The following FBXO34 variants were observed in gnomAD, a reference collection of about 807,000 sequenced individuals.
The protein encoded by FBXO34 is F-box only protein 34.
A neutral mutation model predicts 24.5 loss-of-function variants in FBXO34; 12 were observed. The observed-to-expected ratio is 0.49, with a 90% CI of 0.31 to 0.79. The LOEUF is 0.79. FBXO34 is among the 30% of genes least tolerant of loss of function. The probability of loss-of-function intolerance (pLI) is 0.04; values close to 1 mark genes in which losing one functional copy is unlikely to be tolerated. For missense variants in FBXO34, 823 were observed against 857.7 expected (o/e 0.96, Z 0.51); for synonymous variants, 320 against 311.9 (o/e 1.03, Z -0.27).
the FBXO34 span, among the ~76,000 whole-genome samples, chr14:55,437,991 G>A: frequency 1.3e-5 from 2 of 152,206 alleles, no homozygotes; most frequent in African/African-American, 4.8e-5. Flanking sequence ...AGAGAATGAT[G>A]TGTGCACCTG....
downstream of FBXO34, chr14:55,366,917 G>A (rs545451854): frequency 6.5e-6 from 1 of 152,782 alleles, no homozygotes; most frequent in Non-Finnish European, 1.5e-5. Flanking sequence ...AGTATTTACA[G>A]GGTGGATCCA....
the FBXO34 span, among the ~76,000 whole-genome samples, chr14:55,376,094 G>A: frequency 2.6e-5 from 4 of 152,196 alleles, no homozygotes; most frequent in Admixed American, 6.5e-5. Flanking sequence ...CTGCATGAGT[G>A]TCTACTACTG....
chr14:55,284,947 T>C (rs1413001826), intron 1 of FBXO34, among the ~76,000 whole-genome samples: 1 of 150,086 alleles, frequency 6.7e-6, no homozygotes, highest in Non-Finnish European at 1.5e-5. Context: ...GTTGTCTTGT[T>C]TTGTTTTGTG....
intron 1 of FBXO34, among the ~76,000 whole-genome samples, chr14:55,305,785 T>C (rs896091638): frequency 2.6e-5 from 4 of 152,252 alleles, no homozygotes; most frequent in East Asian, 1.9e-4. Context: ...GCAGGATTTT[T>C]CCCGATCTGA....
chr14:55,330,356 G>A (rs1883492019), intron 1 of FBXO34, among the ~76,000 whole-genome samples: 1 of 152,018 alleles, frequency 6.6e-6, no homozygotes, highest in East Asian at 1.9e-4. Context: ...GTTTCTCTCT[G>A]TTACCCTGAT....
intron 1 of FBXO34, among the ~76,000 whole-genome samples, chr14:55,311,232 C>T (rs1882728255): frequency 6.6e-6 from 1 of 152,134 alleles, no homozygotes; most frequent in Non-Finnish European, 1.5e-5. Context: ...CTAGCAAACA[C>T]AAAACCATCA....
chr14:55,410,775 A>G, the FBXO34 span, among the ~76,000 whole-genome samples: 1 of 152,244 alleles, frequency 6.6e-6, no homozygotes, highest in Non-Finnish European at 1.5e-5. Flanking sequence ...GAATGAATTA[A>G]TACCTGAATT....
rs1197999118 is a variant in FBXO34, at chr14:55,351,935, T to A, written c.1545T>A (p.Ala515=). The stretch of plus-strand genomic sequence containing the variant: ...AGGCCAGCCAGCTTGAAGATGCTGC[T>A]GGGGGTGACAGTGCATCTGAGGAAA... ...SSEASQLEDA[A]GGDSASEEKS... is the part of the protein sequence containing the mutation. Residue 515 remains alanine (A), a synonymous_variant, in exon 2 of 2, where the codon GCT becomes GCA. Coordinates refer to ENST00000313833, the MANE Select transcript of FBXO34 (RefSeq NM_017943.4). 6.2e-7 allele frequency: 1 copy of A among 1,614,168 alleles called. No individual in the cohort carries two copies. The highest frequency in any genetic ancestry group is 1.7e-5 in the Admixed American group (1 of 60,022).
intron 1 of FBXO34, among the ~76,000 whole-genome samples, chr14:55,316,595 G>T (rs147344465): frequency 3.4e-4 from 51 of 150,230 alleles, no homozygotes; most frequent in Admixed American, 7.3e-4. Context: ...TAGCACAGTG[G>T]CACATGTCTA....
At chr14:55,368,612 G>C (rs1884738626), downstream of FBXO34, 2 of 152,324 alleles carry the variant, frequency 1.3e-5, no homozygotes, top group South Asian at 4.1e-4. Flanking sequence ...GCAAAGCTGT[G>C]TCCTCAGAGC....
chr14:55,385,544 C>T, the FBXO34 span, among the ~76,000 whole-genome samples: 12 of 152,290 alleles, frequency 7.9e-5, no homozygotes, highest in East Asian at 2.1e-3. Context: ...TCGCCTGCCT[C>T]GGCCTCCCAA....
downstream of FBXO34, among the ~76,000 whole-genome samples, chr14:55,371,730 A>G (rs187033366): frequency 8.6e-4 from 131 of 152,030 alleles, no homozygotes; most frequent in Non-Finnish European, 1.8e-3. Context: ...TGTGAACCCC[A>G]GAGGCGGAGC....
chr14:55,318,225 C>T (rs900638811), intron 1 of FBXO34: 3 of 151,056 alleles, frequency 2.0e-5, no homozygotes, highest in African/African-American at 7.3e-5. Context: ...GTTTAGTCTA[C>T]CATCCTTAAC....
At chr14:55,388,595 C>A in the FBXO34 span, among the ~76,000 whole-genome samples, 1 of 152,214 alleles carries the variant, frequency 6.6e-6, no homozygotes, top group East Asian at 1.9e-4. Flanking sequence ...TAATGTATAT[C>A]ATGAAACCTT....
chr14:55,440,135 G>C, the FBXO34 span, among the ~76,000 whole-genome samples: 1 of 151,272 alleles, frequency 6.6e-6, no homozygotes, highest in East Asian at 1.9e-4. Flanking sequence ...TCAAAAACCA[G>C]AACAACCTGG....
the FBXO34 span, among the ~76,000 whole-genome samples, chr14:55,441,759 G>T: frequency 6.6e-6 from 1 of 151,822 alleles, no homozygotes; most frequent in Admixed American, 6.6e-5. Flanking sequence ...AAACATAATT[G>T]ATACCTTTTT....
chr14:55,278,796 C>T (rs1057120317), intron 1 of FBXO34, among the ~76,000 whole-genome samples: 1 of 152,164 alleles, frequency 6.6e-6, no homozygotes, highest in Non-Finnish European at 1.5e-5. Flanking sequence ...AAGTGATCTT[C>T]TCACCTCAGC....
rs1881140024 is a variant in FBXO34, at chr14:55,271,459, C to G, written c.-89C>G. On this transcript the variant is annotated 5_prime_UTR_variant, in exon 1 of 2. Coordinates refer to ENST00000313833, the MANE Select transcript of FBXO34 (RefSeq NM_017943.4). ...CAGCGGTGGGGAGTGAGCCAGGCCT[C>G]CCGCCACCGCTGCTGCCGCCACCAC... 6.6e-6 allele frequency: 1 copy of G among 152,004 alleles called. No individual in the cohort carries two copies. The highest frequency in any genetic ancestry group is 1.5e-5 in the Non-Finnish European group (1 of 68,044). The allele number at this position is 152,004 out of a possible 1,614,324, so 9.4% of individuals were successfully genotyped here.
chr14:55,315,894 T>C (rs972814002), intron 1 of FBXO34, among the ~76,000 whole-genome samples: 1 of 152,200 alleles, frequency 6.6e-6, no homozygotes, highest in African/African-American at 2.4e-5. Context: ...GCAACTACTT[T>C]TGCATTATTT....
Sources: allele counts gnomAD v4.1 joint callset (sites outside exome capture counted in the v4.1 genomes callset), GRCh38; gene constraint gnomAD v4.1.1; transcripts MANE v1.5; gene names NCBI Gene and HGNC (gene_info 2026-07-23, HGNC 2026-07-21).